CDH20: variants seen among roughly 807,000 people sequenced by gnomAD.
CDH20 encodes cadherin 20.
CDH20 carries 29 observed loss-of-function variants against 74.2 expected under a neutral mutation model. The ratio of observed to expected loss-of-function variants is 0.39; its 90% CI spans 0.29 to 0.53. CDH20 has a LOEUF of 0.53. Among genes scored for constraint, CDH20 ranks in the 20% least tolerant of loss-of-function variants. The pLI is 0.69. For synonymous variants in CDH20, 469 were observed against 405.4 expected, an observed-to-expected ratio of 1.16 and a Z score of -1.88; for missense variants, 988 against 1,048.3, an observed-to-expected ratio of 0.94 and a Z score of 0.79.
rs190051287 is a variant in CDH20 at position 61,423,188 on chromosome 18, G to A, written c.-152-67214G>A. Among the ~76,000 whole-genome samples, 590 of 152,302 alleles carry A rather than the reference G, an allele frequency of 3.9e-3. 2 individuals are homozygous for A. Among genetic ancestry groups the A allele is most frequent in the Admixed American group, 9.0e-3 (138 of 15,302 alleles). On this transcript the variant is annotated intron_variant, in intron 1 of 11. Transcript: ENST00000262717. ...GACCAGTAAGAATGTGGTCAGTAGC[G>A]TCAGATCAGCATCAAAGATGCAGAA...
chr18:61,368,172 A>T (rs1263268552), intron 1 of CDH20, among the ~76,000 whole-genome samples: 1 of 152,080 alleles, frequency 6.6e-6, no homozygotes, highest in Non-Finnish European at 1.5e-5. Context: ...TCTTATTTTA[A>T]GGTCGGCTGA....
chr18:61,347,511 C>A (rs1027512553), intron 1 of CDH20, among the ~76,000 whole-genome samples: 2 of 149,802 alleles, frequency 1.3e-5, no homozygotes, highest in Non-Finnish European at 3.0e-5. Context: ...TGGAGTGACA[C>A]CCTGCCTCAG....
At chr18:61,512,809 G>A (rs559670937) in intron 6 of CDH20, among the ~76,000 whole-genome samples, 7 of 150,788 alleles carry the variant, frequency 4.6e-5, no homozygotes, top group South Asian at 2.1e-4. Flanking sequence ...GTAGTTGAGC[G>A]GTTTTGAGTG....
chr18:61,551,818 T>C (rs780871645), intron 11 of CDH20, among the ~76,000 whole-genome samples: 3 of 152,172 alleles, frequency 2.0e-5, no homozygotes, highest in Non-Finnish European at 4.4e-5. Context: ...TTGGAAAATG[T>C]CGAAGTTAAA....
At position 61,507,455 on chromosome 18, in the gene CDH20, C is replaced by T. The variant is rs1327838940; in HGVS notation, c.912C>T (p.Gly304=). 6.2e-7 allele frequency: 1 copy of T among 1,613,882 alleles called. No homozygotes were observed. The highest frequency in any genetic ancestry group is 1.1e-5 in the South Asian group (1 of 91,034). Reference sequence around the variant, plus strand: ...TGTTTGCCAAGGACTTGGATGAAGGCATCAATGCAGAGATGAAATATACTA... The same window carrying T: ...TGTTTGCCAAGGACTTGGATGAAGGTATCAATGCAGAGATGAAATATACTA... ...GRVFAKDLDE[G]INAEMKYTIV... Residue 304 remains glycine, a synonymous_variant, in exon 6 of 12, where the codon GGC becomes GGT. Coordinates refer to ENST00000262717, the MANE Select transcript of CDH20 (RefSeq NM_031891.4).
At chr18:61,488,455 C>G (rs1228942218) in intron 1 of CDH20, among the ~76,000 whole-genome samples, 3 of 152,098 alleles carry the variant, frequency 2.0e-5, no homozygotes, top group Non-Finnish European at 4.4e-5. Context: ...ATTTACAGGG[C>G]ACTTTTTTGC....
At chr18:61,436,945 C>A (rs1376399222) in intron 1 of CDH20, among the ~76,000 whole-genome samples, 1 of 152,102 alleles carries the variant, frequency 6.6e-6, no homozygotes, top group Non-Finnish European at 1.5e-5. Context: ...TCTCAGTTTC[C>A]TTTGCGTGTA....
chr18:61,530,618 A>C (rs903214124), intron 7 of CDH20, among the ~76,000 whole-genome samples: 2 of 152,218 alleles, frequency 1.3e-5, no homozygotes, highest in African/African-American at 4.8e-5. Flanking sequence ...TGGTGTGTTC[A>C]GGAATATATG....
intron 1 of CDH20, among the ~76,000 whole-genome samples, chr18:61,456,634 T>A (rs898514703): frequency 6.6e-6 from 1 of 151,880 alleles, no homozygotes; most frequent in Non-Finnish European, 1.5e-5. Flanking sequence ...CATTTTGCAA[T>A]GAAACACTTT....
chr18:61,366,925 A>G (rs17068236), intron 1 of CDH20, among the ~76,000 whole-genome samples: 6,475 of 152,292 alleles, frequency 0.043, 192 homozygotes, highest in South Asian at 0.055. Context: ...GCTTATGAGA[A>G]TATACGATGA....
At chr18:61,530,610 G>A (rs1912604550) in intron 7 of CDH20, among the ~76,000 whole-genome samples, 1 of 152,094 alleles carries the variant, frequency 6.6e-6, no homozygotes, top group South Asian at 2.1e-4. Flanking sequence ...AAAGTTGATG[G>A]TGTGTTCAGG....
chr18:61,390,330 C>G (rs1243113159), intron 1 of CDH20, among the ~76,000 whole-genome samples: 1 of 152,116 alleles, frequency 6.6e-6, no homozygotes, highest in Non-Finnish European at 1.5e-5. Flanking sequence ...ACAATATATG[C>G]CAAATTTTAC....
At chr18:61,554,060 C>G in intron 11 of CDH20, 130 bp from the exon 12 acceptor site, 1 of 1,106,370 alleles carries the variant, frequency 9.0e-7, no homozygotes, top group Non-Finnish European at 1.3e-6. Flanking sequence ...TTTCAGATAT[C>G]CAAAAGCTAT....
At chr18:61,533,906 C>A (rs537609161) in intron 7 of CDH20, among the ~76,000 whole-genome samples, 47 of 152,270 alleles carry the variant, frequency 3.1e-4, no homozygotes, top group African/African-American at 1.1e-3. Flanking sequence ...TTCTTGGAAT[C>A]TTTGTCAAAA....
chr18:61,448,053 C>T (rs1163626704), intron 1 of CDH20, among the ~76,000 whole-genome samples: 2 of 152,210 alleles, frequency 1.3e-5, no homozygotes, highest in Non-Finnish European at 2.9e-5. Context: ...TCACTATGAA[C>T]TTCAGTTTTC....
At chr18:61,362,854 CAT>C (rs1010725671) in intron 1 of CDH20, among the ~76,000 whole-genome samples, 4 of 152,184 alleles carry the variant, frequency 2.6e-5, no homozygotes, top group African/African-American at 9.6e-5. Context: ...TACATATATA[CAT>C]GTTTAATTTA....
At chr18:61,493,777 G>T (rs924568563) in intron 2 of CDH20, among the ~76,000 whole-genome samples, 2 of 152,178 alleles carry the variant, frequency 1.3e-5, no homozygotes, top group African/African-American at 4.8e-5. Context: ...CTTCCAAATA[G>T]ACATACATGG....
chr18:61,511,764 C>A (rs1340739721), intron 6 of CDH20, among the ~76,000 whole-genome samples: 1 of 152,132 alleles, frequency 6.6e-6, no homozygotes, highest in African/African-American at 2.4e-5. Context: ...AAAGATGAAG[C>A]CTCTTAAGAC....
chr18:61,458,959 C>T (rs1909675075), intron 1 of CDH20, among the ~76,000 whole-genome samples: 1 of 152,188 alleles, frequency 6.6e-6, no homozygotes, highest in Non-Finnish European at 1.5e-5. Flanking sequence ...TTGAGAAGCA[C>T]AGATCTATTT....
Sources: gnomAD v4.1 joint callset for allele counts (sites outside exome capture counted in the v4.1 genomes callset) on GRCh38, gnomAD v4.1.1 for gene constraint, MANE v1.5 for transcripts, NCBI Gene and HGNC (gene_info 2026-07-23, HGNC 2026-07-21) for gene names.